CNTRL: variants seen among roughly 807,000 people sequenced by gnomAD.
CNTRL encodes the protein 110 kDa centrosomal protein.
In CNTRL, 233 loss-of-function variants were observed where a neutral mutation model predicts 303.7. The observed-to-expected ratio is 0.77, with a 90% CI of 0.69 to 0.86. CNTRL has a LOEUF of 0.86. Ranked by LOEUF, CNTRL falls within the 40% of genes least tolerant of loss-of-function variation. CNTRL has a pLI of 0.00. For synonymous variants in CNTRL, 900 were observed against 922.2 expected (o/e 0.98, Z 0.44); for missense variants, 2,524 against 2,650.6 (o/e 0.95, Z 1.05).
chr9:121,095,032 C>T lies in CNTRL; in HGVS notation c.479+14C>T. The stretch of plus-strand genomic sequence containing the variant: ...TAACAAAATCAGGTGAGTTATATAA[C>T]AAAATCTTTAGGCAGCATTGCAGAT... On this transcript the variant is annotated intron_variant, in intron 5 of 43. Coordinates refer to ENST00000373855, the MANE Select transcript of CNTRL (RefSeq NM_007018.6). 4 of 1,581,806 alleles carry T rather than the reference C, an allele frequency of 2.5e-6. No homozygotes were observed. Among genetic ancestry groups the T allele is most frequent in the South Asian group, 1.2e-5 (1 of 85,654 alleles).
At chr9:121,166,396 T>C (rs2053091619) in intron 36 of CNTRL, among the ~76,000 whole-genome samples, 1 of 152,178 alleles carries the variant, frequency 6.6e-6, no homozygotes, top group Non-Finnish European at 1.5e-5. Context: ...CAAACAGTTT[T>C]ACTCAAAGCT....
chr9:121,174,330 T>C (rs2053436753), intron 42 of CNTRL, among the ~76,000 whole-genome samples: 1 of 152,178 alleles, frequency 6.6e-6, no homozygotes, highest in South Asian at 2.1e-4. Flanking sequence ...TGCTATAGTA[T>C]TGAGTGGAGC....
intron 34 of CNTRL, among the ~76,000 whole-genome samples, chr9:121,164,615 G>A (rs2053009098): frequency 6.6e-6 from 1 of 152,162 alleles, no homozygotes; most frequent in African/African-American, 2.4e-5. Flanking sequence ...CTGCTATATG[G>A]ACAGATCCTA....
rs750339705 is a variant in CNTRL, at chr9:121,146,216, G to A, written c.3419G>A (p.Arg1140Gln). 9.3e-6 allele frequency: 15 copies of A among 1,613,296 alleles called. No homozygotes were observed. The highest frequency in any genetic ancestry group is 1.2e-5 in the Non-Finnish European group (14 of 1,179,808). The change falls in exon 23 of 44, where the codon CGA becomes CAA. Residue 1140 changes from arginine to glutamine, a missense_variant. By Grantham distance (43) the Arg-to-Gln change is conservative (BLOSUM62 1). Transcript: ENST00000373855. ...AGCATGGCAGATCCTTTCAAAAGACGAGGCTATTGGTACTTTATGCCACCA... is the reference window on the plus strand; with the variant it reads ...AGCATGGCAGATCCTTTCAAAAGACAAGGCTATTGGTACTTTATGCCACCA... ...ISSMADPFKR[R>Q]GYWYFMPPPP...
Position 121,158,493 on chromosome 9 carries a change from C to T in CNTRL, c.4765-362C>T, listed in dbSNP as rs539681933. 5.1e-4 allele frequency: 111 copies of T among 217,692 alleles called. 1 individual carries two copies. The highest frequency in any genetic ancestry group is 1.8e-3 in the African/African-American group (80 of 43,450). 13.5% of individuals were successfully genotyped at this position (217,692 alleles called of 1,614,324 possible). On this transcript the variant is annotated intron_variant, in intron 30 of 43. Transcript: ENST00000373855. Reference sequence around the variant, plus strand: ...ATACGTATTGTCTTTAAAATTGCAACGAATTTTTAATTTTAAAAATGAATA... The same window carrying T: ...ATACGTATTGTCTTTAAAATTGCAATGAATTTTTAATTTTAAAAATGAATA...
chr9:121,165,318 TAA>T (rs34558172), intron 35 of CNTRL, among the ~76,000 whole-genome samples: 8 of 149,718 alleles, frequency 5.3e-5, no homozygotes, highest in African/African-American at 1.5e-4. Context: ...TAAAGTCAGT[TAA>T]AAAAAAAAAC....
At chr9:121,150,055 A>G (rs1348523761) in intron 24 of CNTRL, 115 bp from the exon 25 acceptor site, 2 of 717,626 alleles carry the variant, frequency 2.8e-6, no homozygotes, top group Non-Finnish European at 4.4e-6. Flanking sequence ...TTATTCTCAC[A>G]TCTGCAGTAT....
Position 121,088,309 on chromosome 9 carries a change from C to T in CNTRL, c.-18C>T, listed in dbSNP as rs768923690. The T allele has an allele frequency of 4.6e-6, 7 of 1,509,038 alleles. No individual in the cohort carries two copies. In the Admixed American group the frequency reaches 5.1e-5, roughly 11 times the overall value. The allele number at this position is 1,509,038 out of a possible 1,614,324, so 93.5% of individuals were successfully genotyped here. A position where few individuals can be genotyped will look rare whatever the true frequency, so the allele number is the denominator to read the frequency against. The stretch of plus-strand genomic sequence containing the variant: ...AAACTCTTACAGGTTTTGATGAACA[C>T]CTGGCTTTATTCTTGCAATGAAGAA... On this transcript the variant is annotated 5_prime_UTR_variant, in exon 3 of 44. Coordinates refer to ENST00000373855, the MANE Select transcript of CNTRL (RefSeq NM_007018.6).
intron 15 of CNTRL, among the ~76,000 whole-genome samples, chr9:121,136,222 C>T (rs2133875943): frequency 6.6e-6 from 1 of 152,114 alleles, no homozygotes; most frequent in Middle Eastern, 3.4e-3. Context: ...TGTAAAATGG[C>T]TTATGGGGAA....
At chr9:121,118,608 G>C in intron 12 of CNTRL, 68 bp downstream of exon 12, 1 of 1,253,604 alleles carries the variant, frequency 8.0e-7, no homozygotes, top group Non-Finnish European at 1.1e-6. Context: ...GTTAGCATCA[G>C]AGTCCAGAGT....
chr9:121,082,918 C>A (rs185668961), intron 2 of CNTRL, among the ~76,000 whole-genome samples: 2 of 143,210 alleles, frequency 1.4e-5, no homozygotes, highest in Admixed American at 1.5e-4. Context: ...TTCAGTGAGC[C>A]GAGATCGTGC....
intron 4 of CNTRL, among the ~76,000 whole-genome samples, chr9:121,094,352 A>G (rs2048798928): frequency 6.6e-6 from 1 of 152,132 alleles, no homozygotes; most frequent in Non-Finnish European, 1.5e-5. Context: ...AGAGCAAGAG[A>G]GCAAAAGATC....
At position 121,145,259 on chromosome 9, in the gene CNTRL, G is replaced by C. The variant is rs772505517; in HGVS notation, c.3184G>C (p.Glu1062Gln). The C allele has an allele frequency of 7.5e-6, 12 of 1,604,286 alleles. No individual in the cohort carries two copies. The highest frequency in any genetic ancestry group is 1.0e-5 in the Non-Finnish European group (12 of 1,177,810). Residue 1062 changes from glutamate (E) to glutamine (Q), a missense_variant, in exon 22 of 44, where the codon GAG becomes CAG. Transcript: ENST00000373855. ...TTTTAAATAGTTTCGACTTGAGATG[G>C]AGAAAACAGGTGTAGGTACTGGAGC... ...QKGEQFRLEM[E>Q]KTGVGTGANS...
chr9:121,169,748 G>T lies in CNTRL; in HGVS notation c.6208G>T (p.Glu2070Ter), dbSNP rs776084232. ...NQFLTERKKA[E>*]KQVASLKEAL... Reference sequence around the variant, plus strand: ...GTTCTTGACAGAAAGAAAGAAAGCTGAGAAGCAGGTGGCCAGCCTGAAGGA... The same window carrying T: ...GTTCTTGACAGAAAGAAAGAAAGCTTAGAAGCAGGTGGCCAGCCTGAAGGA... Residue 2070 changes from glutamate (E) to a stop codon, truncating the protein, a stop_gained, in exon 39 of 44, where the codon GAG (glutamate) becomes TAG (stop). Coordinates refer to ENST00000373855, the MANE Select transcript of CNTRL (RefSeq NM_007018.6). LOFTEE classifies it high-confidence loss of function. 2 of 1,614,226 alleles carry T rather than the reference G, an allele frequency of 1.2e-6. No individual in the cohort carries two copies. Among genetic ancestry groups the T allele is most frequent in the South Asian group, 1.1e-5 (1 of 91,088 alleles).
chr9:121,154,999 G>A (rs190804323), intron 27 of CNTRL, 86 bp downstream of exon 27: 22 of 1,174,642 alleles, frequency 1.9e-5, no homozygotes, highest in Non-Finnish European at 7.7e-6. Context: ...GAGAATGTGT[G>A]TGATAAGAGG....
intron 40 of CNTRL, among the ~76,000 whole-genome samples, chr9:121,172,048 G>C (rs915454140): frequency 6.6e-6 from 1 of 152,042 alleles, no homozygotes; most frequent in Non-Finnish European, 1.5e-5. Context: ...AACTCTAGTC[G>C]GGCTGCTGTA....
chr9:121,127,911 T>C (rs1420017579), intron 14 of CNTRL, among the ~76,000 whole-genome samples: 1 of 151,482 alleles, frequency 6.6e-6, no homozygotes, highest in Non-Finnish European at 1.5e-5. Flanking sequence ...TTTCTGTCCT[T>C]GTGATAGTTT....
At chr9:121,133,640 C>T (rs899560772) in intron 14 of CNTRL, among the ~76,000 whole-genome samples, 10 of 152,318 alleles carry the variant, frequency 6.6e-5, no homozygotes, top group East Asian at 1.9e-4. Flanking sequence ...TGCTTCGGGT[C>T]GCCCTCCATG....
chr9:121,119,671 T>G (rs1004918594), intron 12 of CNTRL, among the ~76,000 whole-genome samples: 1 of 151,718 alleles, frequency 6.6e-6, no homozygotes, highest in African/African-American at 2.4e-5. Flanking sequence ...AATTTTTGTA[T>G]TTTTGGTAGA....
Sources: allele counts gnomAD v4.1 joint callset (sites outside exome capture counted in the v4.1 genomes callset), GRCh38; gene constraint gnomAD v4.1.1; transcripts MANE v1.5; gene names NCBI Gene and HGNC (gene_info 2026-07-23, HGNC 2026-07-21).